GPAT4: variants seen among roughly 807,000 people sequenced by gnomAD.
GPAT4 encodes the protein 1-AGP acyltransferase 6.
A neutral mutation model predicts 58.0 loss-of-function variants in GPAT4; 17 were observed. The observed-to-expected ratio is 0.29, with a 90% confidence interval of 0.20 to 0.44. The LOEUF (loss-of-function observed/expected upper bound fraction) is 0.44. GPAT4 is among the 20% of genes least tolerant of loss of function. The probability of loss-of-function intolerance (pLI) is 1.00; values close to 1 mark genes in which losing one functional copy is unlikely to be tolerated. For missense variants in GPAT4, 377 were observed against 574.5 expected (o/e 0.66, Z 3.51); for synonymous variants, 204 against 210.1 (o/e 0.97, Z 0.25).
rs376613976 is a variant in GPAT4, at chr8:41,621,151, G to A, written c.*150G>A. Reference sequence around the variant, plus strand: ...CCAGGACTCCGGCTTTCGCCGAGCCGCAGCGGGATCCCTGTGCACCCGGCG... The same window carrying A: ...CCAGGACTCCGGCTTTCGCCGAGCCACAGCGGGATCCCTGTGCACCCGGCG... On this transcript the variant is annotated 3_prime_UTR_variant, in exon 13 of 13. Transcript: ENST00000396987. 3.1e-5 allele frequency: 36 copies of A among 1,170,652 alleles called. No individual in the cohort carries two copies. The highest frequency in any genetic ancestry group is 2.8e-4 in the East Asian group (11 of 38,602). The allele number at this position is 1,170,652 out of a possible 1,614,324, so 72.5% of individuals were successfully genotyped here. A position where few individuals can be genotyped will look rare whatever the true frequency, so the allele number is the denominator to read the frequency against.
chr8:41,599,046 T>G lies in GPAT4; in HGVS notation c.-94T>G. The G allele has an allele frequency of 9.4e-6, 14 of 1,492,332 alleles. No individual in the cohort carries two copies. Among genetic ancestry groups the G allele is most frequent in the Non-Finnish European group, 1.3e-5 (14 of 1,113,424 alleles). The allele number at this position is 1,492,332 out of a possible 1,614,324, so 92.4% of individuals were successfully genotyped here. A position where few individuals can be genotyped will look rare whatever the true frequency, so the allele number is the denominator to read the frequency against. On this transcript the variant is annotated 5_prime_UTR_variant, in exon 2 of 13. Coordinates refer to ENST00000396987, the MANE Select transcript of GPAT4 (RefSeq NM_178819.4). ...GTTTGCTGTTCTTCGGGAACTTGCT[T>G]CCTTTCCCTGGCTGGTGCTGTCAGG... is the stretch of plus-strand genomic sequence containing the variant.
Position 41,609,947 on chromosome 8 carries a change from G to A in GPAT4, c.528G>A (p.Leu176=). The A allele has an allele frequency of 1.2e-6, 2 of 1,603,812 alleles. No individual in the cohort carries two copies. The highest frequency in any genetic ancestry group is 1.7e-6 in the Non-Finnish European group (2 of 1,173,564). Residue 176 remains leucine (L), a synonymous_variant, in exon 4 of 13, where the codon CTG becomes CTA. Coordinates refer to ENST00000396987, the MANE Select transcript of GPAT4 (RefSeq NM_178819.4). ...LGVLIRYCFL[L]PLRIALAFTG... ...TGCTGATTCGGTACTGCTTTCTGCT[G>A]CCGCTCAGGTGAGGCAGGGCCTGCG...
chr8:41,617,220 C>T (rs1391217904), intron 10 of GPAT4, among the ~76,000 whole-genome samples: 2 of 151,906 alleles, frequency 1.3e-5, no homozygotes, highest in Non-Finnish European at 2.9e-5. Flanking sequence ...AAAAATTAGC[C>T]GGGCGTAGTG....
intron 12 of GPAT4, among the ~76,000 whole-genome samples, chr8:41,620,498 A>G (rs538331065): frequency 6.6e-6 from 1 of 152,220 alleles, no homozygotes; most frequent in South Asian, 2.1e-4. Context: ...CATTTTACAG[A>G]TAGATTTTAC....
chr8:41,609,884 C>A lies in GPAT4; in HGVS notation c.465C>A (p.Tyr155Ter). The stretch of plus-strand genomic sequence containing the variant: ...GCAGAACCAATTATAACTTCCAGTA[C>A]ATCAGCCTTCGGCTCACGGTCCTGT... ...LLSRTNYNFQ[Y>*]ISLRLTVLWG... The change falls in exon 4 of 13, where the codon TAC becomes TAA. Residue 155 changes from tyrosine (Y) to a stop codon, truncating the protein, a stop_gained. Transcript: ENST00000396987. LOFTEE classifies it high-confidence loss of function. 6.2e-7 allele frequency: 1 copy of A among 1,614,206 alleles called. No homozygotes were observed. Among genetic ancestry groups the A allele is most frequent in the Non-Finnish European group, 8.5e-7 (1 of 1,180,034 alleles).
intron 2 of GPAT4, among the ~76,000 whole-genome samples, chr8:41,602,177 A>G (rs1349785729): frequency 6.6e-6 from 1 of 151,458 alleles, no homozygotes; most frequent in Non-Finnish European, 1.5e-5. Context: ...CTGGTCTTGA[A>G]CTCCTGGCCT....
intron 10 of GPAT4, among the ~76,000 whole-genome samples, chr8:41,615,585 T>C (rs948084742): frequency 6.6e-6 from 1 of 152,084 alleles, no homozygotes; most frequent in East Asian, 1.9e-4. Context: ...GTCGACCCTT[T>C]AGGAACTGCT....
At chr8:41,581,993 AT>A (rs71230849) in intron 1 of GPAT4, among the ~76,000 whole-genome samples, 76 of 63,602 alleles carry the variant, frequency 1.2e-3, no homozygotes, top group South Asian at 2.2e-3. Context: ...AAGTTCAATG[AT>A]TTTTTTTTTT....
chr8:41,615,719 A>G (rs1199297745), intron 10 of GPAT4, among the ~76,000 whole-genome samples: 1 of 152,192 alleles, frequency 6.6e-6, no homozygotes, highest in Non-Finnish European at 1.5e-5. Context: ...TACAAAACAC[A>G]GGCCATCCTC....
At chr8:41,605,390 G>A (rs181588509) in intron 2 of GPAT4, among the ~76,000 whole-genome samples, 123 of 152,330 alleles carry the variant, frequency 8.1e-4, no homozygotes, top group Non-Finnish European at 8.4e-4. Context: ...AAAGGGAGAA[G>A]GATAGAGCAT....
chr8:41,612,738 G>A, intron 7 of GPAT4, 107 bp from the exon 8 acceptor site: 1 of 955,258 alleles, frequency 1.0e-6, no homozygotes, highest in Non-Finnish European at 1.6e-6. Context: ...GCAAGCGTTA[G>A]AAGTGAGAAG....
Position 41,609,399 on chromosome 8 carries a change from C to A in GPAT4, c.166-17C>A. On this transcript the variant is annotated splice_polypyrimidine_tract_variant and intron_variant, in intron 2 of 12. Transcript: ENST00000396987. ...GTCTCATTCTTGCTCTTGTATCTTG[C>A]TTCCTTCCCCTCCCAGTGGGCTACC... 1.2e-6 allele frequency: 2 copies of A among 1,613,314 alleles called. No homozygotes were observed. Among genetic ancestry groups the A allele is most frequent in the Non-Finnish European group, 1.7e-6 (2 of 1,179,332 alleles).
chr8:41,589,796 G>T (rs1391583077), intron 1 of GPAT4, among the ~76,000 whole-genome samples: 1 of 152,158 alleles, frequency 6.6e-6, no homozygotes, highest in Non-Finnish European at 1.5e-5. Flanking sequence ...AATCACCTTG[G>T]GTCTGTGGAA....
chr8:41,613,987 C>A (rs1803521155), intron 8 of GPAT4, among the ~76,000 whole-genome samples: 2 of 152,206 alleles, frequency 1.3e-5, no homozygotes, highest in Non-Finnish European at 2.9e-5. Context: ...CCCTAACTCC[C>A]TTTGCTACAT....
chr8:41,616,900 C>G (rs1206641963), intron 10 of GPAT4, among the ~76,000 whole-genome samples: 1 of 152,128 alleles, frequency 6.6e-6, no homozygotes, highest in Non-Finnish European at 1.5e-5. Flanking sequence ...TATATTTCCA[C>G]CGGAATCCAG....
At chr8:41,584,611 C>T (rs895467549) in intron 1 of GPAT4, among the ~76,000 whole-genome samples, 2 of 152,138 alleles carry the variant, frequency 1.3e-5, no homozygotes, top group Non-Finnish European at 2.9e-5. Context: ...ATTACATATG[C>T]AGTACTCAGA....
Position 41,620,964 on chromosome 8 carries a change from T to G in GPAT4, c.1334T>G (p.Met445Arg). The G allele has an allele frequency of 6.4e-7, 1 of 1,551,512 alleles. No individual in the cohort carries two copies. Among genetic ancestry groups the G allele is most frequent in the Non-Finnish European group, 8.7e-7 (1 of 1,147,178 alleles). ...KEEQQKLYSK[M>R]IVGNHKDRSR... ...GAGCAGCAGAAGCTGTACAGCAAGA[T>G]GATCGTGGGGAACCACAAGGACAGG... The change falls in exon 13 of 13, where the codon ATG becomes AGG. Residue 445 changes from methionine (M) to arginine (R), a missense_variant. Coordinates refer to ENST00000396987, the MANE Select transcript of GPAT4 (RefSeq NM_178819.4).
At chr8:41,616,710 C>T (rs10110654) in intron 10 of GPAT4, among the ~76,000 whole-genome samples, 3,118 of 152,250 alleles carry the variant, frequency 0.02, 88 homozygotes, top group African/African-American at 0.068. Flanking sequence ...AACACGAACC[C>T]TGAGGAGTTT....
intron 2 of GPAT4, among the ~76,000 whole-genome samples, chr8:41,604,840 C>T (rs1803215605): frequency 6.6e-6 from 1 of 152,150 alleles, no homozygotes; most frequent in South Asian, 2.1e-4. Context: ...CAGCTGTTAC[C>T]TTGAATCCCA....
Sources: gnomAD v4.1 joint callset for allele counts (sites outside exome capture counted in the v4.1 genomes callset) on GRCh38, gnomAD v4.1.1 for gene constraint, MANE v1.5 for transcripts, NCBI Gene and HGNC (gene_info 2026-07-23, HGNC 2026-07-21) for gene names.